The following MNT variants were observed in gnomAD, a reference collection of about 807,000 sequenced individuals.
MNT encodes max-binding protein MNT.
Under a neutral mutation model 40.7 loss-of-function variants are expected in MNT, and 13 were observed. That is an observed-to-expected ratio of 0.32 (90% CI 0.21 to 0.51). MNT has a LOEUF of 0.51. MNT is among the 20% of genes least tolerant of loss of function. The probability of loss-of-function intolerance (pLI) is 0.98; values close to 1 mark genes in which losing one functional copy is unlikely to be tolerated. For missense variants in MNT, 757 were observed against 792.0 expected (o/e 0.96, Z 0.53); for synonymous variants, 426 against 354.8 (o/e 1.20, Z -2.26).
intron 4 of MNT, chr17:2,389,356 A>C (rs58903030): frequency 0.084 from 12,780 of 151,780 alleles, 679 homozygotes; most frequent in African/African-American, 0.14. Context: ...GCTCACTGCA[A>C]TCTCTGCCTC....
rs771026679 is a variant in MNT at position 2,400,654 on chromosome 17, T to C, written c.59A>G (p.Gln20Arg). The C allele has an allele frequency of 6.3e-6, 10 of 1,586,156 alleles. No individual in the cohort carries two copies. The highest frequency in any genetic ancestry group is 3.4e-5 in the South Asian group (3 of 88,068). ...ARFLEWQAQQ[Q>R]QRAREEQERL... ...CGGCCGCTCACCACGTGCTCTCTGTTGTTGCTGCGCTTGCCATTCCAGGAA... is the reference window on the plus strand; with the variant it reads ...CGGCCGCTCACCACGTGCTCTCTGTCGTTGCTGCGCTTGCCATTCCAGGAA... The change falls in exon 1 of 6, where the codon CAA becomes CGA. Residue 20 changes from glutamine to arginine, a missense_variant. Around this residue, in one of 4 missense-constraint regions of MNT, gnomAD observed 335 missense variants for 291.4 expected, o/e 1.15. Transcript: ENST00000174618.
chr17:2,396,201 G>A lies in MNT; in HGVS notation c.74-747C>T, dbSNP rs375270720. Reference sequence around the variant, plus strand: ...GAAACAGCCCAGCACTCTTGACTCCGAGGCTAGGTCCCAATGCCTGTTTTC... The same window carrying A: ...GAAACAGCCCAGCACTCTTGACTCCAAGGCTAGGTCCCAATGCCTGTTTTC... On this transcript the variant is annotated intron_variant, in intron 1 of 5. Coordinates refer to ENST00000174618, the MANE Select transcript of MNT (RefSeq NM_020310.3). 5.3e-5 allele frequency among the ~76,000 whole-genome samples: 8 copies of A among 152,266 alleles called. No homozygotes were observed. The South Asian group carries it at 8.3e-4, about 16-fold the overall frequency.
chr17:2,393,953 G>T, intron 4 of MNT, 90 bp downstream of exon 4: 1 of 803,556 alleles, frequency 1.2e-6, no homozygotes, highest in Non-Finnish European at 1.8e-6. Context: ...GAGCCGCCGG[G>T]GCGTGAGGGC....
At chr17:2,389,622 T>A (rs62067044) in intron 4 of MNT, 2 of 152,456 alleles carry the variant, frequency 1.3e-5, no homozygotes, top group South Asian at 4.1e-4. Context: ...CCCCTGGTTC[T>A]TGCCTTTCTT....
rs1199704343 is a variant in MNT, at chr17:2,387,008, C to T, written c.1642G>A (p.Gly548Arg). 2 of 1,535,304 alleles carry T rather than the reference C, an allele frequency of 1.3e-6. No individual in the cohort carries two copies. Among genetic ancestry groups the T allele is most frequent in the Non-Finnish European group, 1.8e-6 (2 of 1,138,466 alleles). The change falls in exon 6 of 6, where the codon GGG becomes AGG. Residue 548 changes from glycine to arginine, a missense_variant. Coordinates refer to ENST00000174618, the MANE Select transcript of MNT (RefSeq NM_020310.3). The stretch of plus-strand genomic sequence containing the variant: ...TGGGGGTGGTGCACCACCTGAGCCC[C>T]CACGGCCGGCTTTGCCATGACAGTA... ...PATVMAKPAV[G>R]AQVVHHPQLV...
rs530951541 is a variant in MNT, at chr17:2,387,719, C to T, written c.1001-70G>A. ...GCAAGTGGCTGGAGGCGTAGATGCTCGTGGGGGCGTGGGAATGTGATGGGG... is the reference window on the plus strand; with the variant it reads ...GCAAGTGGCTGGAGGCGTAGATGCTTGTGGGGGCGTGGGAATGTGATGGGG... On this transcript the variant is annotated intron_variant, in intron 5 of 5. Coordinates refer to ENST00000174618, the MANE Select transcript of MNT (RefSeq NM_020310.3). The T allele has an allele frequency of 7.3e-5, 116 of 1,580,502 alleles. No homozygotes were observed. In the African/African-American group the frequency reaches 1.4e-3, roughly 19 times the overall value.
At chr17:2,395,899 G>GC (rs1555612055) in intron 1 of MNT, among the ~76,000 whole-genome samples, 4 of 113,438 alleles carry the variant, frequency 3.5e-5, no homozygotes, top group South Asian at 2.8e-4. Context: ...TCACACCAGA[G>GC]GGGGGGGTGT....
chr17:2,386,746 G>A lies in MNT; in HGVS notation c.*155C>T. 2.8e-6 allele frequency: 2 copies of A among 718,528 alleles called. No individual in the cohort carries two copies. The highest frequency in any genetic ancestry group is 3.6e-5 in the Admixed American group (1 of 27,628). 44.5% of individuals were successfully genotyped at this position (718,528 alleles called of 1,614,324 possible). On this transcript the variant is annotated 3_prime_UTR_variant, in exon 6 of 6. Transcript: ENST00000174618. ...AGCAGGGTGGCCCTTCCCTCCCTTG[G>A]CTCAGAGTCTTTGCACCCCCTTCCC...
At chr17:2,395,815 G>GT (rs1465383984) in intron 1 of MNT, among the ~76,000 whole-genome samples, 2 of 151,492 alleles carry the variant, frequency 1.3e-5, no homozygotes, top group African/African-American at 2.4e-5. Flanking sequence ...AGGAAGGCGG[G>GT]TGAGGGCAGC....
chr17:2,389,166 C>T (rs2066492774), intron 4 of MNT: 1 of 152,738 alleles, frequency 6.5e-6, no homozygotes, highest in Admixed American at 6.5e-5. Flanking sequence ...GCCACATCCT[C>T]CTGCCTCCAA....
chr17:2,395,781 C>T (rs2151671406), intron 1 of MNT, among the ~76,000 whole-genome samples: 1 of 152,188 alleles, frequency 6.6e-6, no homozygotes, highest in Non-Finnish European at 1.5e-5. Flanking sequence ...TGCTGCAGGC[C>T]ACCTGCCAGC....
chr17:2,388,188 T>G, intron 4 of MNT, 139 bp from the exon 5 acceptor site: 1 of 750,364 alleles, frequency 1.3e-6, no homozygotes. Flanking sequence ...CGGGGGCTGC[T>G]GGAGACCGCA....
chr17:2,394,393 A>ACG, intron 2 of MNT, 47 bp from the exon 3 acceptor site: 1 of 1,612,116 alleles, frequency 6.2e-7, no homozygotes, highest in Non-Finnish European at 8.5e-7. Context: ...ACTCGATTAG[A>ACG]CGGCCTTCCT....
chr17:2,393,023 G>T (rs1464870011), intron 4 of MNT, among the ~76,000 whole-genome samples: 3 of 152,056 alleles, frequency 2.0e-5, no homozygotes, highest in African/African-American at 7.2e-5. Context: ...GGCGCCCAGC[G>T]GCTGGCTCCT....
rs1475971340 is a variant in MNT at position 2,400,682 on chromosome 17, G to C, written c.31C>G (p.Arg11Gly). 3 of 1,587,398 alleles carry C rather than the reference G, an allele frequency of 1.9e-6. No individual in the cohort carries two copies. Among genetic ancestry groups the C allele is most frequent in the Admixed American group, 1.7e-5 (1 of 57,376 alleles). MSIETLLEAARFLEWQAQQQQ... is the reference protein window; with the variant it reads MSIETLLEAAGFLEWQAQQQQ... ...TGCTGCGCTTGCCATTCCAGGAAGC[G>C]GGCCGCCTCCAGTAGCGTCTCTATG... Residue 11 changes from arginine to glycine, a missense_variant, in exon 1 of 6, where the codon CGC becomes GGC. Coordinates refer to ENST00000174618, the MANE Select transcript of MNT (RefSeq NM_020310.3).
intron 3 of MNT, 62 bp from the exon 4 acceptor site, chr17:2,394,216 A>G: frequency 6.4e-7 from 1 of 1,572,666 alleles, no homozygotes; most frequent in Non-Finnish European, 8.6e-7. Context: ...GGGGGGAGGC[A>G]GGACCGGGGA....
chr17:2,388,272 C>A (rs1227423953), intron 4 of MNT: 6 of 526,116 alleles, frequency 1.1e-5, no homozygotes, highest in Non-Finnish European at 1.7e-5. Flanking sequence ...ACAGGCACCA[C>A]TGAAGCAAGC....
At chr17:2,393,930 G>A (rs1254546190) in intron 4 of MNT, 113 bp downstream of exon 4, 2 of 580,824 alleles carry the variant, frequency 3.4e-6, no homozygotes, top group East Asian at 3.9e-5. Flanking sequence ...GGAGGTGGGA[G>A]GGAGGCGCGG....
chr17:2,398,111 G>C (rs766029998), intron 1 of MNT, among the ~76,000 whole-genome samples: 2 of 152,350 alleles, frequency 1.3e-5, no homozygotes, highest in East Asian at 3.9e-4. Context: ...CCATCTGCAC[G>C]CTAAACAGGA....
Sources: gnomAD v4.1 joint callset for allele counts (sites outside exome capture counted in the v4.1 genomes callset) on GRCh38, gnomAD v4.1.1 for gene constraint, gnomAD v4.1.1 regional missense constraint, MANE v1.5 for transcripts, NCBI Gene and HGNC (gene_info 2026-07-23, HGNC 2026-07-21) for gene names.